The following BAG3 variants were observed in gnomAD, a reference collection of about 807,000 sequenced individuals.
BAG3 encodes the protein BAG family molecular chaperone regulator 3.
In BAG3, 14 loss-of-function variants were observed where a neutral mutation model predicts 40.5. That is an observed-to-expected ratio of 0.35 (90% CI 0.23 to 0.54). BAG3 has a LOEUF of 0.54. Among genes scored for constraint, BAG3 ranks in the 20% least tolerant of loss-of-function variants. The pLI is 0.91. For missense variants in BAG3, 788 were observed against 758.6 expected, an observed-to-expected ratio of 1.04 and a Z score of -0.46; for synonymous variants, 302 against 307.8, an observed-to-expected ratio of 0.98 and a Z score of 0.20.
intron 1 of BAG3, among the ~76,000 whole-genome samples, chr10:119,666,708 C>T (rs1847074494): frequency 1.3e-5 from 1 of 79,274 alleles, no homozygotes; most frequent in Non-Finnish European, 2.9e-5. Flanking sequence ...ACTCCAAGCC[C>T]TGGAAGGGTC....
chr10:119,673,781 T>G (rs544511266), intron 3 of BAG3, among the ~76,000 whole-genome samples: 1 of 152,380 alleles, frequency 6.6e-6, no homozygotes, highest in East Asian at 1.9e-4. Context: ...CTTCATCCAG[T>G]TCACTGTTTG....
intron 1 of BAG3, among the ~76,000 whole-genome samples, chr10:119,660,750 C>A (rs566895447): frequency 5.3e-4 from 80 of 152,068 alleles, no homozygotes; most frequent in African/African-American, 1.9e-3. Context: ...GCCCAACCAG[C>A]TAGTGCTGGA....
chr10:119,676,725 G>C lies in BAG3; in HGVS notation c.1171G>C (p.Ala391Pro). 6.2e-7 allele frequency: 1 copy of C among 1,614,146 alleles called. No individual in the cohort carries two copies. The highest frequency in any genetic ancestry group is 8.5e-7 in the Non-Finnish European group (1 of 1,180,014). ...SAVPSSPKSV[A>P]TEERAAPSTA... is the part of the protein sequence containing the mutation. ...TGTCCCCTCTTCCCCCAAGAGTGTG[G>C]CTACAGAAGAGAGGGCAGCCCCCAG... The change falls in exon 4 of 4, where the codon GCT (alanine) becomes CCT (proline). Residue 391 changes from alanine to proline, a missense_variant. By Grantham distance (27) the Ala-to-Pro change is conservative. Transcript: ENST00000369085.
rs1339191406 is a variant in BAG3, at chr10:119,670,131, T to TGGC, written c.462_464dup (p.Ala160dup). On this transcript the variant is annotated inframe_insertion, in exon 2 of 4. Transcript: ENST00000369085. The stretch of plus-strand genomic sequence containing the variant: ...CAGCCAGATAAACAGTGTGGACAGG[T>TGGC]GGCAGCGGCGGCGGCAGCCCAGCCC... The TGGC allele has an allele frequency of 6.2e-7, 1 of 1,612,612 alleles. No individual in the cohort carries two copies. The highest frequency in any genetic ancestry group is 1.3e-5 in the African/African-American group (1 of 74,914).
intron 2 of BAG3, among the ~76,000 whole-genome samples, chr10:119,670,639 C>G (rs977737653): frequency 1.3e-5 from 2 of 152,182 alleles, no homozygotes; most frequent in Non-Finnish European, 2.9e-5. Flanking sequence ...GCTTGTGGAG[C>G]TATGTTGACA....
chr10:119,670,104 C>T lies in BAG3; in HGVS notation c.434C>T (p.Thr145Ile). Residue 145 changes from threonine (T) to isoleucine (I), a missense_variant, in exon 2 of 4, where the codon ACT becomes ATT. Physicochemically the swap from Thr to Ile is moderately conservative, Grantham distance 89. Coordinates refer to ENST00000369085, the MANE Select transcript of BAG3 (RefSeq NM_004281.4). ...CCTCTGCGGGGCATGCCAGAAACCACTCAGCCAGATAAACAGTGTGGACAG... is the reference window on the plus strand; with the variant it reads ...CCTCTGCGGGGCATGCCAGAAACCATTCAGCCAGATAAACAGTGTGGACAG... Reference protein sequence around the residue: ...QSPLRGMPETTQPDKQCGQVA... With the variant: ...QSPLRGMPETIQPDKQCGQVA... 6.2e-7 allele frequency: 1 copy of T among 1,613,716 alleles called. No homozygotes were observed. Among genetic ancestry groups the T allele is most frequent in the Non-Finnish European group, 8.5e-7 (1 of 1,179,632 alleles).
Position 119,672,628 on chromosome 10 carries a change from G to A in BAG3, c.881G>A (p.Arg294His), listed in dbSNP as rs151335530. The A allele has an allele frequency of 1.3e-5, 21 of 1,613,962 alleles. No homozygotes were observed. Among genetic ancestry groups the A allele is most frequent in the Middle Eastern group, 1.6e-4 (1 of 6,062 alleles). The change falls in exon 3 of 4, where the codon CGT (arginine) becomes CAT (histidine). Residue 294 changes from arginine (R) to histidine (H), a missense_variant. Physicochemically the swap from Arg to His is conservative, Grantham distance 29. Coordinates refer to ENST00000369085, the MANE Select transcript of BAG3 (RefSeq NM_004281.4). This position sits in a 1 kb window ranked among gnomAD's most constrained non-coding sequence, Gnocchi z 4.8. ...CCACTCCACTCCCCCTCGCCCATCCGTGTGCACACCGTGGTCGACAGGCCT... is the reference window on the plus strand; with the variant it reads ...CCACTCCACTCCCCCTCGCCCATCCATGTGCACACCGTGGTCGACAGGCCT... ...STPLHSPSPI[R>H]VHTVVDRPQQ... is the part of the protein sequence containing the mutation.
At chr10:119,666,125 T>C (rs751406427) in intron 1 of BAG3, among the ~76,000 whole-genome samples, 8 of 152,232 alleles carry the variant, frequency 5.3e-5, no homozygotes, top group Admixed American at 2.6e-4. Context: ...TCTGCCCTGC[T>C]TTGTGCTCAT....
At chr10:119,670,837 G>A (rs2134064037) in intron 2 of BAG3, among the ~76,000 whole-genome samples, 1 of 152,154 alleles carries the variant, frequency 6.6e-6, no homozygotes, top group East Asian at 1.9e-4. Context: ...TGAGATTTGA[G>A]GCATTCCTAG....
intron 1 of BAG3, among the ~76,000 whole-genome samples, chr10:119,662,355 CA>C (rs1449836713): frequency 6.6e-6 from 1 of 151,774 alleles, no homozygotes; most frequent in African/African-American, 2.4e-5. Context: ...AGGTGTAAGC[CA>C]CCACGCCCAG....
At chr10:119,652,337 G>C (rs974038249) in intron 1 of BAG3, among the ~76,000 whole-genome samples, 1 of 152,198 alleles carries the variant, frequency 6.6e-6, no homozygotes, top group Non-Finnish European at 1.5e-5. Context: ...GGTGGTTTTG[G>C]GGGGAATTTT....
chr10:119,672,696 A>G lies in BAG3; in HGVS notation c.909+40A>G, dbSNP rs143963426. The G allele has an allele frequency of 4.0e-3, 6,406 of 1,606,292 alleles. 63 individuals are homozygous for G. The highest frequency in any genetic ancestry group is 0.033 in the African/African-American group (2,469 of 75,038). The stretch of plus-strand genomic sequence containing the variant: ...TCGTCAGCAGACTGGTTATGGTGGT[A>G]TGTCTCCAGGGGTGCAGGAGCTCTG... On this transcript the variant is annotated intron_variant, in intron 3 of 3. Transcript: ENST00000369085. This position sits in a 1 kb window ranked among gnomAD's most constrained non-coding sequence, Gnocchi z 4.8.
At chr10:119,665,047 A>G (rs1407158416) in intron 1 of BAG3, among the ~76,000 whole-genome samples, 1 of 144,748 alleles carries the variant, frequency 6.9e-6, no homozygotes, top group Non-Finnish European at 1.5e-5. Flanking sequence ...CCTCCCGAGT[A>G]GCTGGGATTA....
chr10:119,668,272 C>A (rs2134062163), intron 1 of BAG3, among the ~76,000 whole-genome samples: 1 of 152,302 alleles, frequency 6.6e-6, no homozygotes, highest in East Asian at 1.9e-4. Flanking sequence ...GGTGCCCACG[C>A]CTGCACACAA....
intron 1 of BAG3, among the ~76,000 whole-genome samples, chr10:119,655,813 C>G (rs1025094543): frequency 6.6e-6 from 1 of 152,160 alleles, no homozygotes. Flanking sequence ...ACTGCACCTC[C>G]GAGAACATCA....
rs1438217572 is a variant in BAG3 at position 119,672,145 on chromosome 10, T to A, written c.508-110T>A. The A allele has an allele frequency of 2.9e-6, 4 of 1,402,610 alleles. No individual in the cohort carries two copies. The highest frequency in any genetic ancestry group is 4.0e-6 in the Non-Finnish European group (4 of 1,002,786). 86.9% of individuals were successfully genotyped at this position (1,402,610 alleles called of 1,614,324 possible). A position where few individuals can be genotyped will look rare whatever the true frequency, so the allele number is the denominator to read the frequency against. ...AAAATTGAAAATTACAGATAGGAGG[T>A]CTTACAATATGGATTGCCCTGAGGA... On this transcript the variant is annotated intron_variant, in intron 2 of 3. Transcript: ENST00000369085. This position sits in a 1 kb window ranked among gnomAD's most constrained non-coding sequence, Gnocchi z 4.8.
intron 2 of BAG3, 56 bp downstream of exon 2, chr10:119,670,233 G>C: frequency 6.4e-7 from 1 of 1,551,922 alleles, no homozygotes; most frequent in Non-Finnish European, 8.6e-7. Flanking sequence ...GTGCTTCCCA[G>C]GCCGGGCCCA....
At chr10:119,657,442 C>A in intron 1 of BAG3, 1 of 442,086 alleles carries the variant, frequency 2.3e-6, no homozygotes, top group South Asian at 1.6e-5. Context: ...TTCATCGCTG[C>A]CTCTTGATGC....
chr10:119,664,237 T>A (rs7894233), intron 1 of BAG3, among the ~76,000 whole-genome samples: 1 of 152,058 alleles, frequency 6.6e-6, no homozygotes, highest in African/African-American at 2.4e-5. Context: ...ATCTTGTACA[T>A]AATAGGGCAA....
Sources: gnomAD v4.1 joint callset for allele counts (sites outside exome capture counted in the v4.1 genomes callset) on GRCh38, gnomAD v4.1.1 for gene constraint, Gnocchi (gnomAD v3.1) non-coding constraint, MANE v1.5 for transcripts, NCBI Gene and HGNC (gene_info 2026-07-23, HGNC 2026-07-21) for gene names.